The following ZBTB7C variants were observed in gnomAD, a reference collection of about 807,000 sequenced individuals.
ZBTB7C encodes the protein zinc finger and BTB domain-containing protein 7C.
Under a neutral mutation model 25.7 loss-of-function variants are expected in ZBTB7C, and 8 were observed. That is an observed-to-expected ratio of 0.31 (90% CI 0.18 to 0.56). ZBTB7C has a LOEUF of 0.56. Among genes scored for constraint, ZBTB7C ranks in the 20% least tolerant of loss-of-function variants. ZBTB7C has a pLI of 0.91. For missense variants in ZBTB7C, 824 were observed against 855.2 expected (o/e 0.96, Z 0.46); for synonymous variants, 394 against 369.0 (o/e 1.07, Z -0.78).
intron 2 of ZBTB7C, among the ~76,000 whole-genome samples, chr18:48,195,475 G>T (rs2042297673): frequency 6.6e-6 from 1 of 152,196 alleles, no homozygotes; most frequent in Non-Finnish European, 1.5e-5. Context: ...TGTAAGACAT[G>T]ACTTTGCTCC....
chr18:48,095,623 A>T (rs971400125), intron 3 of ZBTB7C, among the ~76,000 whole-genome samples: 2 of 152,140 alleles, frequency 1.3e-5, no homozygotes, highest in African/African-American at 4.8e-5. Context: ...GAGGCAGGAG[A>T]ATCACTTGAA....
chr18:48,289,195 T>A (rs1227140233), intron 2 of ZBTB7C, among the ~76,000 whole-genome samples: 2 of 152,096 alleles, frequency 1.3e-5, no homozygotes, highest in African/African-American at 4.8e-5. Context: ...TTGGACAATA[T>A]CAAACTAAAT....
chr18:48,029,536 G>T lies in ZBTB7C; in HGVS notation c.1584C>A (p.Pro528=). ...CTGCCAGGAAGTGCTTGGCGGGGCT[G>T]GGGCCCGGGAGGCACACAGCTGCGC... The part of the protein sequence containing the change: ...LGGAAVCLPG[P]SPAKHFLAAP... Residue 528 remains proline (P), a synonymous_variant, in exon 5 of 5, where the codon CCC becomes CCA. Coordinates refer to ENST00000590800, the MANE Select transcript of ZBTB7C (RefSeq NM_001318841.2). 6.4e-7 allele frequency: 1 copy of T among 1,569,526 alleles called. No homozygotes were observed. The highest frequency in any genetic ancestry group is 2.4e-5 in the East Asian group (1 of 42,354).
chr18:48,248,390 G>A (rs2043755723), intron 2 of ZBTB7C, among the ~76,000 whole-genome samples: 1 of 152,096 alleles, frequency 6.6e-6, no homozygotes, highest in Non-Finnish European at 1.5e-5. Context: ...TCCCATCTCA[G>A]GGCCTTTGCA....
chr18:48,093,446 A>G (rs921975627), intron 3 of ZBTB7C, among the ~76,000 whole-genome samples: 1 of 152,190 alleles, frequency 6.6e-6, no homozygotes, highest in Non-Finnish European at 1.5e-5. Context: ...CAAAAAGTTT[A>G]TATGAATGAC....
In ZBTB7C at chr18:48,208,678, T is replaced by C. The variant is rs78641783; in HGVS notation, c.-78-22683A>G. On this transcript the variant is annotated intron_variant, in intron 2 of 4. Transcript: ENST00000590800. ...TTCTTCTCATCTCCACCACTGATCC[T>C]GCTCCTTGGCCTGGCTCGGAAGCCC... Among the ~76,000 whole-genome samples, 38 of 152,364 alleles carry C rather than the reference T, an allele frequency of 2.5e-4. No individual in the cohort carries two copies. In the East Asian group the frequency reaches 6.2e-3, roughly 25 times the overall value.
At chr18:48,047,892 A>G (rs186861421) in intron 3 of ZBTB7C, among the ~76,000 whole-genome samples, 22 of 152,344 alleles carry the variant, frequency 1.4e-4, no homozygotes, top group African/African-American at 4.1e-4. Context: ...CAGATAATAA[A>G]ACAGGTATGG....
chr18:48,042,236 T>TAAAC (rs1284887643), intron 3 of ZBTB7C, among the ~76,000 whole-genome samples: 2 of 152,140 alleles, frequency 1.3e-5, no homozygotes, highest in East Asian at 1.9e-4. Flanking sequence ...AGACAGAAAC[T>TAAAC]AAACAAACAC....
At chr18:48,211,468 C>T (rs566347560) in intron 2 of ZBTB7C, among the ~76,000 whole-genome samples, 1 of 152,064 alleles carries the variant, frequency 6.6e-6, no homozygotes, top group Non-Finnish European at 1.5e-5. Flanking sequence ...CCAAAATACA[C>T]AAAGAACTCT....
intron 1 of ZBTB7C, among the ~76,000 whole-genome samples, chr18:48,369,383 AAGAC>A (rs1243864745): frequency 5.9e-4 from 90 of 152,270 alleles, no homozygotes; most frequent in African/African-American, 1.5e-3. Flanking sequence ...ACAGAAATGA[AAGAC>A]AGAGAGAATA....
chr18:48,071,356 A>G (rs753388062), intron 3 of ZBTB7C, among the ~76,000 whole-genome samples: 3 of 152,226 alleles, frequency 2.0e-5, no homozygotes, highest in Admixed American at 1.3e-4. Context: ...ACATTTCTCT[A>G]AAGAAGACAT....
At chr18:48,385,927 C>G (rs1488380804) in intron 1 of ZBTB7C, among the ~76,000 whole-genome samples, 1 of 152,150 alleles carries the variant, frequency 6.6e-6, no homozygotes, top group Non-Finnish European at 1.5e-5. Flanking sequence ...AGATTCTTCC[C>G]CCTCCCCACA....
chr18:48,372,518 C>A (rs1298576437), intron 1 of ZBTB7C, among the ~76,000 whole-genome samples: 2 of 152,186 alleles, frequency 1.3e-5, no homozygotes, highest in East Asian at 3.9e-4. Context: ...GAGGAATCAT[C>A]AGACTTCACA....
intron 3 of ZBTB7C, among the ~76,000 whole-genome samples, chr18:48,049,025 GTTCCATTA>G (rs1180310321): frequency 6.6e-6 from 1 of 152,170 alleles, no homozygotes; most frequent in Non-Finnish European, 1.5e-5. Flanking sequence ...TATGCCTAGT[GTTCCATTA>G]TTGGAACACT....
chr18:48,377,720 T>C (rs567201848), intron 1 of ZBTB7C, among the ~76,000 whole-genome samples: 2 of 152,214 alleles, frequency 1.3e-5, no homozygotes, highest in Admixed American at 1.3e-4. Context: ...GATAGACAAG[T>C]GGTAAATGGC....
intron 2 of ZBTB7C, among the ~76,000 whole-genome samples, chr18:48,240,360 A>G (rs911707379): frequency 2.6e-5 from 4 of 152,222 alleles, no homozygotes; most frequent in African/African-American, 4.8e-5. Context: ...CAGGCAATTC[A>G]TCACAAAAAG....
intron 3 of ZBTB7C, among the ~76,000 whole-genome samples, chr18:48,138,167 T>G (rs1317984610): frequency 1.3e-5 from 2 of 152,216 alleles, no homozygotes; most frequent in African/African-American, 2.4e-5. Flanking sequence ...CCTCTGCCAC[T>G]CTTCTCCGGC....
intron 3 of ZBTB7C, among the ~76,000 whole-genome samples, chr18:48,151,507 G>A (rs912057120): frequency 2.6e-5 from 4 of 152,170 alleles, no homozygotes; most frequent in African/African-American, 7.2e-5. Context: ...AGCGCTGCCA[G>A]CATTTCAGTC....
chr18:48,363,417 T>C (rs1310604381), intron 1 of ZBTB7C, among the ~76,000 whole-genome samples: 1 of 151,976 alleles, frequency 6.6e-6, no homozygotes, highest in Admixed American at 6.6e-5. Context: ...CTAGAATTCC[T>C]GCTGCTGCTG....
Sources: gnomAD v4.1 joint callset for allele counts (sites outside exome capture counted in the v4.1 genomes callset) on GRCh38, gnomAD v4.1.1 for gene constraint, MANE v1.5 for transcripts, NCBI Gene and HGNC (gene_info 2026-07-23, HGNC 2026-07-21) for gene names.